The following SPEG variants were observed in gnomAD, a reference collection of about 807,000 sequenced individuals.
The protein encoded by SPEG is striated muscle preferentially expressed protein kinase.
In SPEG, 114 loss-of-function variants were observed where a neutral mutation model predicts 300.4. The observed-to-expected ratio is 0.38, with a 90% confidence interval of 0.33 to 0.44. The LOEUF is 0.44. Among genes scored for constraint, SPEG ranks in the 20% least tolerant of loss-of-function variants. SPEG has a pLI of 1.00. For synonymous variants in SPEG, 1,964 were observed against 2,018.9 expected, an observed-to-expected ratio of 0.97 and a Z score of 0.73; for missense variants, 4,201 against 4,586.2, an observed-to-expected ratio of 0.92 and a Z score of 2.43.
intron 29 of SPEG, 39 bp from the exon 30 acceptor site, chr2:219,483,059 A>G: frequency 6.3e-7 from 1 of 1,575,722 alleles, no homozygotes; most frequent in Non-Finnish European, 8.6e-7. Flanking sequence ...ATCCTGCCCC[A>G]GGGGTCCCTC....
At chr2:219,472,864 G>T in intron 15 of SPEG, 26 bp from the exon 16 acceptor site, 1 of 1,547,730 alleles carries the variant, frequency 6.5e-7, no homozygotes, top group Non-Finnish European at 8.7e-7. Flanking sequence ...TGCAACAGCA[G>T]CCTCTAGTAG....
At chr2:219,454,846 C>T (rs1179942180) in intron 6 of SPEG, among the ~76,000 whole-genome samples, 1 of 152,178 alleles carries the variant, frequency 6.6e-6, no homozygotes, top group Non-Finnish European at 1.5e-5. Flanking sequence ...GTAATCCCAG[C>T]ACTTTGGGAG....
chr2:219,492,269 GC>G lies in SPEG; in HGVS notation c.9611+13del, dbSNP rs1383024267. ...CTCTCTGTACATCCCTGGTGAGTGA[GC>G]CCCACACCTGCTATCCCCCAGTGTT... is the stretch of plus-strand genomic sequence containing the variant. On this transcript the variant is annotated intron_variant, in intron 40 of 40. Coordinates refer to ENST00000312358, the MANE Select transcript of SPEG (RefSeq NM_005876.5). 4.4e-6 allele frequency: 7 copies of G among 1,608,690 alleles called. No homozygotes were observed. The highest frequency in any genetic ancestry group is 2.6e-6 in the Non-Finnish European group (3 of 1,176,396).
chr2:219,440,668 C>T (rs1954839141), intron 1 of SPEG, among the ~76,000 whole-genome samples: 1 of 152,028 alleles, frequency 6.6e-6, no homozygotes, highest in Non-Finnish European at 1.5e-5. Flanking sequence ...CTCACTACAA[C>T]CTCGCCTCCT....
Position 219,436,176 on chromosome 2 carries a change from G to A in SPEG, c.388+811G>A, listed in dbSNP as rs375551299. On this transcript the variant is annotated intron_variant, in intron 1 of 40. Transcript: ENST00000312358. The stretch of plus-strand genomic sequence containing the variant: ...TGCTATGGACCAGTGCTTGTCCCCC[G>A]CCCATAGATTTCCAGGTGCAGTGTG... 9.5e-4 allele frequency among the ~76,000 whole-genome samples: 144 copies of A among 152,318 alleles called. 2 individuals carry two copies. In the South Asian group the frequency reaches 0.029, roughly 31 times the overall value.
chr2:219,455,645 T>G (rs1690119702), intron 6 of SPEG, among the ~76,000 whole-genome samples: 1 of 152,138 alleles, frequency 6.6e-6, no homozygotes, highest in Non-Finnish European at 1.5e-5. Context: ...CCTTTCCTGT[T>G]GCTCTGAAGA....
intron 6 of SPEG, among the ~76,000 whole-genome samples, chr2:219,457,576 T>A (rs1464900511): frequency 2.0e-5 from 3 of 152,226 alleles, no homozygotes; most frequent in Non-Finnish European, 2.9e-5. Flanking sequence ...AGACTGAGAC[T>A]GTCTCAAAAC....
At chr2:219,486,915 G>A (rs979956309) in intron 31 of SPEG, among the ~76,000 whole-genome samples, 5 of 152,092 alleles carry the variant, frequency 3.3e-5, no homozygotes, top group African/African-American at 4.8e-5. Context: ...CCTCCTTGGG[G>A]AGCAGTGGGG....
At chr2:219,437,188 A>C (rs1034283474) in intron 1 of SPEG, 5 of 152,298 alleles carry the variant, frequency 3.3e-5, no homozygotes, top group African/African-American at 1.2e-4. Context: ...TGTACTCCTC[A>C]AGAAGTTCTG....
At position 219,484,485 on chromosome 2, in the gene SPEG, G is replaced by T. The variant is rs184307101; in HGVS notation, c.7022G>T (p.Arg2341Leu). ...AVFEAKFKRSRESPLSLGLRL... is the reference protein window; with the variant it reads ...AVFEAKFKRSLESPLSLGLRL... ...TTCGAGGCCAAGTTCAAGCGCAGCC[G>T]CGAGTCGCCCCTGTCGCTGGGGCTG... The change falls in exon 30 of 41, where the codon CGC becomes CTC. Residue 2341 changes from arginine (R) to leucine (L), a missense_variant. By Grantham distance (102) the Arg-to-Leu change is moderately radical. Around this residue, in one of 4 missense-constraint regions of SPEG, gnomAD observed 1,578 missense variants for 1,506.0 expected, o/e 1.05. Transcript: ENST00000312358. 1.2e-6 allele frequency: 2 copies of T among 1,608,850 alleles called. No homozygotes were observed. The highest frequency in any genetic ancestry group is 1.7e-6 in the Non-Finnish European group (2 of 1,179,050).
chr2:219,448,503 A>AC lies in SPEG; in HGVS notation c.1350dup (p.Gly451ArgfsTer141). 2 of 1,454,882 alleles carry AC rather than the reference A, an allele frequency of 1.4e-6. No individual in the cohort carries two copies. The highest frequency in any genetic ancestry group is 9.0e-7 in the Non-Finnish European group (1 of 1,112,906). 90.1% of individuals were successfully genotyped at this position (1,454,882 alleles called of 1,614,324 possible). On this transcript the variant is annotated frameshift_variant, in exon 4 of 41. Transcript: ENST00000312358. LOFTEE classifies it high-confidence loss of function. ...GTCGGAGCGCGGCGCACCGTGGGGC[A>AC]CCCCCGGGGCCTCGCAGGAAGAACT...
intron 9 of SPEG, chr2:219,466,674 C>T (rs995992151): frequency 2.0e-6 from 2 of 1,000,460 alleles, no homozygotes; most frequent in African/African-American, 3.5e-5. Context: ...CTGGCTGAGC[C>T]CTGGCCCTGG....
chr2:219,471,851 T>C lies in SPEG; in HGVS notation c.3716-17T>C, dbSNP rs765413969. ...CCTCCGGGCTCAGGCCCAGTGTCAC[T>C]GTCCCTCCCCTCCCAGACAGGGATG... On this transcript the variant is annotated splice_polypyrimidine_tract_variant and intron_variant, in intron 13 of 40. Transcript: ENST00000312358. 297 of 1,613,662 alleles carry C rather than the reference T, an allele frequency of 1.8e-4. No homozygotes were observed. The highest frequency in any genetic ancestry group is 2.3e-4 in the Non-Finnish European group (274 of 1,179,928).
Position 219,434,929 on chromosome 2 carries a change from C to T in SPEG, c.-49C>T, listed in dbSNP as rs562486955. ...CCTAGGGCACCGTCCCGCGGGTGCC[C>T]CCGTGGCCGCCCAGTTCCGGCGTCC... On this transcript the variant is annotated 5_prime_UTR_variant, in exon 1 of 41. Coordinates refer to ENST00000312358, the MANE Select transcript of SPEG (RefSeq NM_005876.5). 713 of 1,426,184 alleles carry T rather than the reference C, an allele frequency of 5.0e-4. 5 individuals carry two copies. The East Asian group carries it at 0.02, about 39-fold the overall frequency. The allele number at this position is 1,426,184 out of a possible 1,614,324, so 88.3% of individuals were successfully genotyped here.
Position 219,485,342 on chromosome 2 carries a change from A to C in SPEG, c.7610-4A>C. ...CAAATACTCACGGGCCTGAGTCTTC[A>C]CAGCCCCAGGGGAAAGCCGAAGCCG... On this transcript the variant is annotated splice_region_variant and splice_polypyrimidine_tract_variant and intron_variant, in intron 30 of 40. Transcript: ENST00000312358. 1.9e-6 allele frequency: 3 copies of C among 1,604,156 alleles called. No individual in the cohort carries two copies. In the South Asian group the frequency reaches 3.3e-5, roughly 18 times the overall value.
At chr2:219,441,134 A>T (rs1688889094) in intron 1 of SPEG, among the ~76,000 whole-genome samples, 1 of 152,194 alleles carries the variant, frequency 6.6e-6, no homozygotes, top group African/African-American at 2.4e-5. Flanking sequence ...CATAGCTATA[A>T]TGGTCATGGG....
rs1221842616 is a variant in SPEG at position 219,482,348 on chromosome 2, G to A, written c.5566-436G>A. On this transcript the variant is annotated intron_variant, in intron 28 of 40. Transcript: ENST00000312358. ...CCAGAAGAGAGAGCCTGGGTGGGTA[G>A]CTGAGGGAAGCATCCGTCTTGGTCT... is the stretch of plus-strand genomic sequence containing the variant. 2.2e-5 allele frequency: 4 copies of A among 179,686 alleles called. No homozygotes were observed. The East Asian group carries it at 5.6e-4, about 25-fold the overall frequency. 11.1% of individuals were successfully genotyped at this position (179,686 alleles called of 1,614,324 possible).
At chr2:219,457,188 A>G (rs1690258950) in intron 6 of SPEG, among the ~76,000 whole-genome samples, 1 of 152,202 alleles carries the variant, frequency 6.6e-6, no homozygotes, top group South Asian at 2.1e-4. Context: ...GACCTACTGA[A>G]ACAGCACATG....
Position 219,448,633 on chromosome 2 carries a change from T to C in SPEG, c.1475T>C (p.Leu492Pro). The C allele has an allele frequency of 1.3e-6, 2 of 1,483,654 alleles. No homozygotes were observed. Among genetic ancestry groups the C allele is most frequent in the Non-Finnish European group, 1.8e-6 (2 of 1,125,020 alleles). The allele number at this position is 1,483,654 out of a possible 1,614,324, so 91.9% of individuals were successfully genotyped here. The change falls in exon 4 of 41, where the codon CTG (leucine) becomes CCG (proline). Residue 492 changes from leucine to proline, a missense_variant. Transcript: ENST00000312358. ...RQRSPASDLE[L>P]RFAQELGRIR... ...CGCAGCCCGGCCTCAGACCTCGAGC[T>C]GCGCTTCGCCCAGGAGCTGGGCCGC...
Sources: gnomAD v4.1 joint callset for allele counts (sites outside exome capture counted in the v4.1 genomes callset) on GRCh38, gnomAD v4.1.1 for gene constraint, gnomAD v4.1.1 regional missense constraint, MANE v1.5 for transcripts, NCBI Gene and HGNC (gene_info 2026-07-23, HGNC 2026-07-21) for gene names.